Variants in CRB2 observed in about 807,000 individuals in gnomAD.
The protein encoded by CRB2 is crumbs cell polarity complex component 2, also known as protein crumbs homolog 2.
In CRB2, 85 loss-of-function variants were observed where a neutral mutation model predicts 110.9. The ratio of observed to expected loss-of-function variants is 0.77; its 90% CI spans 0.64 to 0.92. The LOEUF is 0.92. Among genes scored for constraint, CRB2 ranks in the 40% least tolerant of loss-of-function variants. The pLI, the probability that CRB2 is intolerant of heterozygous loss-of-function variation, is 0.00. For missense variants in CRB2, 1,843 were observed against 1,851.3 expected (o/e 1.00, Z 0.08); for synonymous variants, 907 against 831.0 (o/e 1.09, Z -1.57).
At position 123,371,582 on chromosome 9, in the gene CRB2, A is replaced by C. The variant is rs1564375657; in HGVS notation, c.2436+4A>C. The C allele has an allele frequency of 6.2e-7, 1 of 1,612,308 alleles. No individual in the cohort carries two copies. Among genetic ancestry groups the C allele is most frequent in the Non-Finnish European group, 8.5e-7 (1 of 1,179,994 alleles). On this transcript the variant is annotated splice_donor_region_variant and intron_variant, in intron 8 of 12. Transcript: ENST00000373631. ...CGTCTCCGAGGACATGTGCAGTGTA[A>C]GTGTCTGGTGGCGGTGGTGGTGGTG... is the stretch of plus-strand genomic sequence containing the variant.
At chr9:123,360,499 GCCT>G (rs1156450676) in intron 1 of CRB2, among the ~76,000 whole-genome samples, 1 of 152,142 alleles carries the variant, frequency 6.6e-6, no homozygotes, top group East Asian at 1.9e-4. Context: ...GGCTATCGTG[GCCT>G]CCTAGGCTCA....
intron 8 of CRB2, among the ~76,000 whole-genome samples, chr9:123,371,952 G>C (rs2042023317): frequency 6.6e-6 from 1 of 152,184 alleles, no homozygotes; most frequent in Non-Finnish European, 1.5e-5. Flanking sequence ...CATGAATTCT[G>C]GTTCCTCTCT....
chr9:123,368,370 CT>C (rs113257983), intron 6 of CRB2, among the ~76,000 whole-genome samples: 8,655 of 152,282 alleles, frequency 0.057, 495 homozygotes, highest in East Asian at 0.17. Flanking sequence ...GCTGACACTC[CT>C]GGGGGTCCCG....
At chr9:123,356,416 C>T in intron 1 of CRB2, 62 bp downstream of exon 1, 1 of 1,346,310 alleles carries the variant, frequency 7.4e-7, no homozygotes, top group South Asian at 1.5e-5. Flanking sequence ...GACAGATACC[C>T]CAAGCCTTGG....
chr9:123,360,439 C>T (rs13298948), intron 1 of CRB2, among the ~76,000 whole-genome samples: 2 of 152,214 alleles, frequency 1.3e-5, no homozygotes, highest in African/African-American at 2.4e-5. Context: ...CCCTCCTCCG[C>T]CCTGCTGCCC....
intron 1 of CRB2, among the ~76,000 whole-genome samples, chr9:123,361,258 C>A (rs2041866193): frequency 6.6e-6 from 1 of 152,184 alleles, no homozygotes; most frequent in South Asian, 2.1e-4. Context: ...GAGTGCTGCA[C>A]CCTCCTGAGC....
rs1371925097 is a variant in CRB2, at chr9:123,366,117, G to A, written c.614+5G>A. 4.2e-6 allele frequency: 6 copies of A among 1,438,674 alleles called. No homozygotes were observed. The South Asian group carries it at 4.4e-5, about 10-fold the overall frequency. 89.1% of individuals were successfully genotyped at this position (1,438,674 alleles called of 1,614,324 possible). A position where few individuals can be genotyped will look rare whatever the true frequency, so the allele number is the denominator to read the frequency against. On this transcript the variant is annotated splice_donor_5th_base_variant and intron_variant, in intron 3 of 12. Transcript: ENST00000373631. The stretch of plus-strand genomic sequence containing the variant: ...GTGCCACGACCTGGTCAACGGGTGA[G>A]CGAGCGGCGGGGCAGGCGGCAGGGG...
chr9:123,379,663 CAAG>C (rs2042178219), downstream of CRB2: 1 of 152,278 alleles, frequency 6.6e-6, no homozygotes, highest in African/African-American at 2.4e-5. Context: ...GCCTCTTCCC[CAAG>C]ATGATTTTAT....
chr9:123,361,838 G>T (rs1387575348), intron 1 of CRB2, among the ~76,000 whole-genome samples: 1 of 152,210 alleles, frequency 6.6e-6, no homozygotes, highest in African/African-American at 2.4e-5. Flanking sequence ...AGCTGAAATT[G>T]AACCCAGGTC....
At chr9:123,358,571 C>T (rs2041825971) in intron 1 of CRB2, among the ~76,000 whole-genome samples, 1 of 152,246 alleles carries the variant, frequency 6.6e-6, no homozygotes, top group Non-Finnish European at 1.5e-5. Flanking sequence ...GTAAGATCAG[C>T]CACTCCATGG....
At position 123,378,219 on chromosome 9, in the gene CRB2, A is replaced by C. The variant is rs1051920991; in HGVS notation, c.*1157A>C. The C allele has an allele frequency of 1.3e-5, 2 of 152,228 alleles. No homozygotes were observed. Among genetic ancestry groups the C allele is most frequent in the African/African-American group, 4.8e-5 (2 of 41,430 alleles). The allele number at this position is 152,228 out of a possible 1,614,324, so 9.4% of individuals were successfully genotyped here. The stretch of plus-strand genomic sequence containing the variant: ...CTCTGAGTCGGGGCTGGGCCTGCAG[A>C]GGCCGACTCAGAGGAGACTCTGCTG... On this transcript the variant is annotated 3_prime_UTR_variant, in exon 13 of 13. Coordinates refer to ENST00000373631, the MANE Select transcript of CRB2 (RefSeq NM_173689.7).
At position 123,376,926 on chromosome 9, in the gene CRB2, T is replaced by C; in HGVS notation, c.3722T>C (p.Leu1241Pro). Residue 1241 changes from leucine to proline, a missense_variant, in exon 13 of 13, where the codon CTC becomes CCC. Transcript: ENST00000373631. ...TGCCTCCTCCTCCTCCTCCTGGGCC[T>C]CCTTTCAGGGATCCTGGCAGCCCGA... ...CACLLLLLLG[L>P]LSGILAARKR... 1 of 1,608,384 alleles carries C rather than the reference T, an allele frequency of 6.2e-7. No homozygotes were observed. The highest frequency in any genetic ancestry group is 8.5e-7 in the Non-Finnish European group (1 of 1,178,540).
Position 123,373,314 on chromosome 9 carries a change from C to T in CRB2, c.2783C>T (p.Ser928Leu), listed in dbSNP as rs1165873398. Residue 928 changes from serine (S) to leucine (L), a missense_variant, in exon 10 of 13, where the codon TCG (serine) becomes TTG (leucine). Coordinates refer to ENST00000373631, the MANE Select transcript of CRB2 (RefSeq NM_173689.7). ...GTGTGGCTGGCGGTGCGCAATGGCT[C>T]GCTGGCGGGGGGCGTGCGCGGAGGC... ...EGVWLAVRNGSLAGGVRGGHG... is the reference protein window; with the variant it reads ...EGVWLAVRNGLLAGGVRGGHG... 2.7e-6 allele frequency: 4 copies of T among 1,460,766 alleles called. No homozygotes were observed. Among genetic ancestry groups the T allele is most frequent in the South Asian group, 1.3e-5 (1 of 74,976 alleles). The allele number at this position is 1,460,766 out of a possible 1,614,324, so 90.5% of individuals were successfully genotyped here. A position where few individuals can be genotyped will look rare whatever the true frequency, so the allele number is the denominator to read the frequency against.
In CRB2 at chr9:123,366,374, C is replaced by T. The variant is rs1171000710; in HGVS notation, c.754+8C>T. On this transcript the variant is annotated splice_region_variant and intron_variant, in intron 4 of 12. Transcript: ENST00000373631. ...GCTGCCTCTGTTGGCCAGGTGTGTG[C>T]GTGCAGGTGCGCGGCCTGGCGGGGG... The T allele has an allele frequency of 1.0e-5, 16 of 1,539,244 alleles. No homozygotes were observed. The highest frequency in any genetic ancestry group is 2.6e-5 in the East Asian group (1 of 38,830).
chr9:123,371,670 T>TGATGAGGG, intron 8 of CRB2, 92 bp downstream of exon 8: 2 of 1,552,382 alleles, frequency 1.3e-6, no homozygotes, highest in Non-Finnish European at 1.7e-6. Context: ...GTCCTTTTGC[T>TGATGAGGG]GATGAGGAAA....
intron 12 of CRB2, 77 bp from the exon 13 acceptor site, chr9:123,376,761 G>T: frequency 7.5e-7 from 1 of 1,339,206 alleles, no homozygotes; most frequent in East Asian, 2.5e-5. Flanking sequence ...TCCTTGTGCT[G>T]CGCTCTCTGC....
upstream of CRB2, chr9:123,356,024 G>A (rs1171904752): frequency 2.5e-6 from 1 of 400,948 alleles, no homozygotes; most frequent in African/African-American, 2.1e-5. Context: ...GCCAAGACCA[G>A]GTCAGCCCCA....
intron 12 of CRB2, 131 bp from the exon 13 acceptor site, chr9:123,376,707 C>T: frequency 2.3e-6 from 2 of 871,564 alleles, no homozygotes; most frequent in Non-Finnish European, 3.5e-6. Context: ...GTCTTCACTG[C>T]TCCCAGGGCA....
intron 12 of CRB2, among the ~76,000 whole-genome samples, chr9:123,376,401 G>A (rs1305626237): frequency 6.6e-6 from 1 of 152,174 alleles, no homozygotes; most frequent in Non-Finnish European, 1.5e-5. Context: ...GCAGGGACAA[G>A]CTGTCATAAC....
Sources: allele counts gnomAD v4.1 joint callset (sites outside exome capture counted in the v4.1 genomes callset), GRCh38; gene constraint gnomAD v4.1.1; transcripts MANE v1.5; gene names NCBI Gene and HGNC (gene_info 2026-07-23, HGNC 2026-07-21).